EPHA6: variants seen among roughly 807,000 people sequenced by gnomAD.
EPHA6 encodes EPH receptor A6.
EPHA6 carries 50 observed loss-of-function variants against 112.0 expected under a neutral mutation model. The observed-to-expected ratio is 0.45, with a 90% CI of 0.36 to 0.56. The LOEUF (loss-of-function observed/expected upper bound fraction) is 0.56. EPHA6 is among the 20% of genes least tolerant of loss of function. The pLI is 0.00. For missense variants in EPHA6, 1,280 were observed against 1,417.4 expected, an observed-to-expected ratio of 0.90 and a Z score of 1.56; for synonymous variants, 529 against 490.7, an observed-to-expected ratio of 1.08 and a Z score of -1.03.
At chr3:97,059,645 T>C (rs1221110125) in intron 3 of EPHA6, among the ~76,000 whole-genome samples, 1 of 150,916 alleles carries the variant, frequency 6.6e-6, no homozygotes, top group Non-Finnish European at 1.5e-5. Flanking sequence ...GTGAATTTTA[T>C]TTTTATTCCT....
intron 5 of EPHA6, among the ~76,000 whole-genome samples, chr3:97,359,379 A>G (rs1402361066): frequency 6.6e-6 from 1 of 150,412 alleles, no homozygotes; most frequent in Non-Finnish European, 1.5e-5. Flanking sequence ...TTTTAGCTCC[A>G]GAATTTATTT....
At chr3:97,320,851 TTAATTACATCC>T (rs1299379267) in intron 5 of EPHA6, among the ~76,000 whole-genome samples, 2 of 149,902 alleles carry the variant, frequency 1.3e-5, no homozygotes, top group Non-Finnish European at 1.5e-5. Context: ...AGGGATGAAT[TTAATTACATCC>T]TAATTACATC....
chr3:97,507,669 G>T (rs755866727), intron 10 of EPHA6, among the ~76,000 whole-genome samples: 4 of 152,058 alleles, frequency 2.6e-5, no homozygotes, highest in Non-Finnish European at 4.4e-5. Flanking sequence ...GATGATGCTG[G>T]CCTCTTAAAA....
intron 14 of EPHA6, among the ~76,000 whole-genome samples, chr3:97,638,522 T>C (rs969023401): frequency 2.6e-5 from 4 of 152,202 alleles, no homozygotes; most frequent in Admixed American, 6.5e-5. Context: ...ATCATACTTA[T>C]AAAGAACAAT....
chr3:97,362,202 T>C (rs2108938472), intron 5 of EPHA6, among the ~76,000 whole-genome samples: 1 of 152,264 alleles, frequency 6.6e-6, no homozygotes, highest in South Asian at 2.1e-4. Context: ...TTTCTCATTT[T>C]CACAGAAGTC....
chr3:97,424,946 C>T (rs1329028527), intron 6 of EPHA6, among the ~76,000 whole-genome samples: 1 of 151,740 alleles, frequency 6.6e-6, no homozygotes, highest in Non-Finnish European at 1.5e-5. Context: ...CAAAATCAAA[C>T]AAGTCAGTAA....
chr3:97,146,945 ATGCAAATCTTATT>A (rs899336579), intron 3 of EPHA6, among the ~76,000 whole-genome samples: 1 of 151,942 alleles, frequency 6.6e-6, no homozygotes, highest in African/African-American at 2.4e-5. Flanking sequence ...AAATTTTAAA[ATGCAAATCTTATT>A]TGTCATGCTC....
rs772774913 is a variant in EPHA6, at chr3:97,484,051, T to C, written c.2192T>C (p.Ile731Thr). ...TCAAGAATTCGTATTGAGAGAGTCA[T>C]TGGGGCAGGTAAATGTCAAATCTAC... ...DPSRIRIERVIGAGEFGEVCS... is the reference protein window; with the variant it reads ...DPSRIRIERVTGAGEFGEVCS... The change falls in exon 10 of 18, where the codon ATT becomes ACT. Residue 731 changes from isoleucine (I) to threonine (T), a missense_variant. Transcript: ENST00000389672. The C allele has an allele frequency of 1.2e-6, 2 of 1,601,046 alleles. No individual in the cohort carries two copies. Among genetic ancestry groups the C allele is most frequent in the Non-Finnish European group, 1.7e-6 (2 of 1,174,806 alleles).
intron 3 of EPHA6, among the ~76,000 whole-genome samples, chr3:97,187,711 AAGAAAG>A (rs2077185427): frequency 6.0e-5 from 9 of 148,936 alleles, no homozygotes; most frequent in Admixed American, 6.0e-4. Flanking sequence ...GAAAGAAAGA[AAGAAAG>A]AAAGAAAGAA....
intron 3 of EPHA6, among the ~76,000 whole-genome samples, chr3:97,084,124 G>C (rs963935976): frequency 1.2e-5 from 1 of 82,052 alleles, no homozygotes; most frequent in Non-Finnish European, 2.5e-5. Context: ...ATATATATAT[G>C]GATATATATC....
chr3:97,207,704 G>A (rs1500700), intron 3 of EPHA6, among the ~76,000 whole-genome samples: 13,810 of 152,112 alleles, frequency 0.091, 1,365 homozygotes, highest in Admixed American at 0.22. Context: ...ACAAAATTTT[G>A]TATGTGTACA....
chr3:97,211,091 A>G (rs1400954119), intron 3 of EPHA6, among the ~76,000 whole-genome samples: 1 of 152,232 alleles, frequency 6.6e-6, no homozygotes, highest in Non-Finnish European at 1.5e-5. Flanking sequence ...AAATCATATA[A>G]AGTCACTTCT....
At chr3:97,069,564 A>G (rs1454873690) in intron 3 of EPHA6, among the ~76,000 whole-genome samples, 1 of 152,160 alleles carries the variant, frequency 6.6e-6, no homozygotes, top group Non-Finnish European at 1.5e-5. Flanking sequence ...AAATTTTACA[A>G]CCTTGCTTAG....
chr3:97,690,879 A>T (rs2032619727), intron 14 of EPHA6, among the ~76,000 whole-genome samples: 1 of 152,188 alleles, frequency 6.6e-6, no homozygotes, highest in Non-Finnish European at 1.5e-5. Context: ...TGTAAATATT[A>T]TCTTCCATTC....
intron 11 of EPHA6, among the ~76,000 whole-genome samples, chr3:97,544,885 G>A (rs1434310608): frequency 6.6e-6 from 1 of 152,164 alleles, no homozygotes; most frequent in Non-Finnish European, 1.5e-5. Flanking sequence ...GCATAGAGGT[G>A]TTTATAGTAT....
At chr3:97,522,354 T>A (rs1489973428) in intron 10 of EPHA6, among the ~76,000 whole-genome samples, 1 of 152,232 alleles carries the variant, frequency 6.6e-6, no homozygotes, top group African/African-American at 2.4e-5. Flanking sequence ...TCACATTTAT[T>A]GGTTTTGGTA....
At chr3:97,695,102 T>C (rs1018899424) in intron 14 of EPHA6, among the ~76,000 whole-genome samples, 15 of 152,204 alleles carry the variant, frequency 9.9e-5, no homozygotes, top group Admixed American at 8.5e-4. Context: ...ATTATGATAA[T>C]ATGTTATTGT....
chr3:97,344,713 A>G lies in EPHA6; in HGVS notation c.1607-60437A>G, dbSNP rs540586542. On this transcript the variant is annotated intron_variant, in intron 5 of 17. Transcript: ENST00000389672. ...TTCCATGCCATTGTCAGTACGTGAT[A>G]TTGTCTGTCTTTTCATTTTAAACAT... Among the ~76,000 whole-genome samples the G allele has an allele frequency of 8.5e-5, 13 of 152,218 alleles. No individual in the cohort carries two copies. In the South Asian group the frequency reaches 2.7e-3, roughly 32 times the overall value.
intron 10 of EPHA6, among the ~76,000 whole-genome samples, chr3:97,503,985 G>A (rs1422103646): frequency 6.6e-6 from 1 of 152,118 alleles, no homozygotes; most frequent in Non-Finnish European, 1.5e-5. Flanking sequence ...GGAGCATTTA[G>A]GGTTATTCTT....
Sources: allele counts gnomAD v4.1 joint callset (sites outside exome capture counted in the v4.1 genomes callset), GRCh38; gene constraint gnomAD v4.1.1; transcripts MANE v1.5; gene names NCBI Gene and HGNC (gene_info 2026-07-23, HGNC 2026-07-21).